Variants in IL17F observed in about 807,000 individuals in gnomAD.
The protein encoded by IL17F is interleukin 17F, also known as interleukin-17F.
IL17F carries 6 observed loss-of-function variants against 8.3 expected under a neutral mutation model. That is an observed-to-expected ratio of 0.73 (90% CI 0.40 to 1.43). The LOEUF (loss-of-function observed/expected upper bound fraction) is 1.43. Among genes scored for constraint, IL17F ranks in the 40% most tolerant of loss-of-function variants. The pLI, the probability that IL17F is intolerant of heterozygous loss-of-function variation, is 0.02. For synonymous variants in IL17F, 98 were observed against 81.6 expected (o/e 1.20, Z -1.08); for missense variants, 204 against 209.6 (o/e 0.97, Z 0.17).
chr6:52,239,122 G>T, intron 1 of IL17F, 172 bp from the exon 2 acceptor site: 1 of 651,132 alleles, frequency 1.5e-6, no homozygotes, highest in Non-Finnish European at 2.7e-6. Context: ...GTATCAAGGT[G>T]CCAAACTGAG....
intron 2 of IL17F, among the ~76,000 whole-genome samples, chr6:52,237,418 C>A (rs1006502955): frequency 6.6e-6 from 1 of 152,190 alleles, no homozygotes; most frequent in Admixed American, 6.5e-5. Context: ...GTTGAGAATA[C>A]TCAGTGATAC....
chr6:52,239,946 C>T (rs565820943), intron 1 of IL17F, among the ~76,000 whole-genome samples: 2 of 152,226 alleles, frequency 1.3e-5, no homozygotes, highest in East Asian at 3.9e-4. Context: ...TTTTTTTATA[C>T]TTACGTTGAA....
intron 2 of IL17F, among the ~76,000 whole-genome samples, chr6:52,237,494 CATT>C (rs151027959): frequency 3.3e-5 from 5 of 151,976 alleles, no homozygotes; most frequent in Non-Finnish European, 5.9e-5. Flanking sequence ...CTTTCATTGG[CATT>C]ATTATTATTA....
At chr6:52,244,215 A>G (rs1764122136) in intron 1 of IL17F, among the ~76,000 whole-genome samples, 182 bp downstream of exon 1, 1 of 152,186 alleles carries the variant, frequency 6.6e-6, no homozygotes, top group African/African-American at 2.4e-5. Context: ...TTTTTATGCC[A>G]TTATAACTTT....
rs1362111342 is a variant in IL17F, at chr6:52,236,755, T to C, written c.*176A>G. 7.8e-6 allele frequency: 5 copies of C among 642,470 alleles called. No individual in the cohort carries two copies. Among genetic ancestry groups the C allele is most frequent in the Non-Finnish European group, 1.4e-5 (5 of 357,738 alleles). 39.8% of individuals were successfully genotyped at this position (642,470 alleles called of 1,614,324 possible). On this transcript the variant is annotated 3_prime_UTR_variant, in exon 3 of 3. Coordinates refer to ENST00000336123, the MANE Select transcript of IL17F (RefSeq NM_052872.4). ...TTCTCCTAACATTTTAGATATCAAA[T>C]ATAAAGTGTAGTACATACACACATA...
At position 52,244,458 on chromosome 6, in the gene IL17F, A is replaced by T; in HGVS notation, c.-29T>A. 1.9e-6 allele frequency: 3 copies of T among 1,612,920 alleles called. No individual in the cohort carries two copies. The Admixed American group carries it at 5.0e-5, about 27-fold the overall frequency. The stretch of plus-strand genomic sequence containing the variant: ...GCGCTGGTGGCTTACTTTGTGCAGG[A>T]AGCTCTTTCTGTGAATGTATCTTCC... On this transcript the variant is annotated 5_prime_UTR_variant, in exon 1 of 3. Transcript: ENST00000336123.
chr6:52,244,402 C>G lies in IL17F; in HGVS notation c.28G>C (p.Ala10Pro), dbSNP rs1764125763. The G allele has an allele frequency of 6.2e-7, 1 of 1,613,880 alleles. No individual in the cohort carries two copies. The highest frequency in any genetic ancestry group is 8.5e-7 in the Non-Finnish European group (1 of 1,179,888). Reference sequence around the variant, plus strand: ...GAATGATTGCTGCTACTCACCATGGCTGGGCCATGCAGGGTCTTCACTGTC... The same window carrying G: ...GAATGATTGCTGCTACTCACCATGGGTGGGCCATGCAGGGTCTTCACTGTC... MTVKTLHGP[A>P]MVKYLLLSIL... Residue 10 changes from alanine to proline, a missense_variant, in exon 1 of 3, where the codon GCC (alanine) becomes CCC (proline). Ala to Pro is a conservative substitution (Grantham distance 27). Transcript: ENST00000336123.
intron 1 of IL17F, among the ~76,000 whole-genome samples, chr6:52,241,357 C>A (rs192851812): frequency 6.6e-6 from 1 of 152,126 alleles, no homozygotes; most frequent in African/African-American, 2.4e-5. Context: ...GGATTACAGG[C>A]CTGAGCTACC....
chr6:52,238,860 G>T lies in IL17F; in HGVS notation c.124C>A (p.Gln42Lys). 1 of 1,613,982 alleles carries T rather than the reference G, an allele frequency of 6.2e-7. No homozygotes were observed. The change falls in exon 2 of 3, where the codon CAA becomes AAA. Residue 42 changes from glutamine to lysine, a missense_variant. Gln to Lys is a moderately conservative substitution (Grantham distance 53). Transcript: ENST00000336123. ...KIPKVGHTFF[Q>K]KPESCPPVPG... ...ACAGGCGGGCAACTCTCAGGCTTTT[G>T]GAAAAAAGTATGTCCTACTTTGGGG... is the stretch of plus-strand genomic sequence containing the variant.
intron 1 of IL17F, among the ~76,000 whole-genome samples, chr6:52,241,686 A>T (rs1264324666): frequency 6.6e-6 from 1 of 152,204 alleles, no homozygotes; most frequent in African/African-American, 2.4e-5. Flanking sequence ...GGATTTTCAC[A>T]ACTACCTGGT....
At chr6:52,244,345 C>A (rs1764124406) in intron 1 of IL17F, 52 bp downstream of exon 1, 2 of 1,562,420 alleles carry the variant, frequency 1.3e-6, no homozygotes, top group Admixed American at 1.7e-5. Context: ...ATTCTGTTTT[C>A]TGAAATCCTA....
chr6:52,241,559 A>G (rs936409888), intron 1 of IL17F, among the ~76,000 whole-genome samples: 1 of 152,366 alleles, frequency 6.6e-6, no homozygotes, highest in Admixed American at 6.5e-5. Context: ...TTTTAAATAC[A>G]TACATTGGAG....
At chr6:52,239,226 A>G in intron 1 of IL17F, 1 of 443,508 alleles carries the variant, frequency 2.3e-6, no homozygotes, top group Non-Finnish European at 4.1e-6. Context: ...TCTGAGATTG[A>G]GTTAAAATCC....
In IL17F at chr6:52,241,268, A is replaced by G. The variant is rs975793051; in HGVS notation, c.34-2318T>C. Among the ~76,000 whole-genome samples the G allele has an allele frequency of 3.9e-5, 6 of 152,032 alleles. 1 individual carries two copies. Among genetic ancestry groups the G allele is most frequent in the Non-Finnish European group, 7.4e-5 (5 of 67,994 alleles). ...AATTTTTTGTATTTTTAGTAGATAT[A>G]GGGTTTCATCATGTGGTCAGGCTGG... On this transcript the variant is annotated intron_variant, in intron 1 of 2. Coordinates refer to ENST00000336123, the MANE Select transcript of IL17F (RefSeq NM_052872.4).
In IL17F at chr6:52,244,462, T is replaced by C; in HGVS notation, c.-33A>G. 1 of 1,611,476 alleles carries C rather than the reference T, an allele frequency of 6.2e-7. No homozygotes were observed. The highest frequency in any genetic ancestry group is 8.5e-7 in the Non-Finnish European group (1 of 1,177,568). ...TGGTGGCTTACTTTGTGCAGGAAGC[T>C]CTTTCTGTGAATGTATCTTCCTGTG... On this transcript the variant is annotated 5_prime_UTR_variant, in exon 1 of 3. Transcript: ENST00000336123.
At chr6:52,245,083 A>G (rs192109145), upstream of IL17F, among the ~76,000 whole-genome samples, 1 of 152,346 alleles carries the variant, frequency 6.6e-6, no homozygotes, top group East Asian at 1.9e-4. Context: ...AATAATCACT[A>G]TTCATTGTGT....
intron 1 of IL17F, among the ~76,000 whole-genome samples, chr6:52,239,416 T>G (rs939361385): frequency 1.3e-5 from 2 of 152,172 alleles, no homozygotes; most frequent in Admixed American, 6.5e-5. Context: ...CAACTTGATA[T>G]CCCATGAATC....
Position 52,244,245 on chromosome 6 carries a change from T to C in IL17F, c.33+152A>G. On this transcript the variant is annotated intron_variant, in intron 1 of 2. Coordinates refer to ENST00000336123, the MANE Select transcript of IL17F (RefSeq NM_052872.4). Reference sequence around the variant, plus strand: ...AACTTTTCTAGTTATTTTTTTCTTTTTCTCCACCAGACAGGAGTCAAAATT... The same window carrying C: ...AACTTTTCTAGTTATTTTTTTCTTTCTCTCCACCAGACAGGAGTCAAAATT... 23 of 803,340 alleles carry C rather than the reference T, an allele frequency of 2.9e-5. No homozygotes were observed. In the South Asian group the frequency reaches 3.1e-4, roughly 11 times the overall value. 49.8% of individuals were successfully genotyped at this position (803,340 alleles called of 1,614,324 possible).
chr6:52,239,456 C>T (rs895272012), intron 1 of IL17F, among the ~76,000 whole-genome samples: 2 of 152,186 alleles, frequency 1.3e-5, no homozygotes, highest in African/African-American at 4.8e-5. Flanking sequence ...GGAGCCACCC[C>T]TCTACCTAGA....
Sources: allele counts gnomAD v4.1 joint callset (sites outside exome capture counted in the v4.1 genomes callset), GRCh38; gene constraint gnomAD v4.1.1; transcripts MANE v1.5; gene names NCBI Gene and HGNC (gene_info 2026-07-23, HGNC 2026-07-21).